The following ROPN1 variants were observed in gnomAD, a reference collection of about 807,000 sequenced individuals.
ROPN1 encodes rhophilin associated tail protein 1.
In ROPN1, 14 loss-of-function variants were observed where a neutral mutation model predicts 20.5. The observed-to-expected ratio is 0.68, with a 90% CI of 0.45 to 1.07. The LOEUF (loss-of-function observed/expected upper bound fraction) is 1.07, where lower values mean the gene tolerates loss of function less well. ROPN1 is among the 50% of genes least tolerant of loss of function. The probability of loss-of-function intolerance (pLI) is 0.00; values close to 1 mark genes in which losing one functional copy is unlikely to be tolerated. For synonymous variants in ROPN1, 76 were observed against 95.7 expected, an observed-to-expected ratio of 0.79 and a Z score of 1.20; for missense variants, 169 against 242.8, an observed-to-expected ratio of 0.70 and a Z score of 2.02.
intron 1 of ROPN1, among the ~76,000 whole-genome samples, chr3:123,988,217 C>T (rs1284105021): frequency 6.6e-6 from 1 of 151,874 alleles, no homozygotes; most frequent in Admixed American, 6.6e-5. Flanking sequence ...ATGAGCTTGG[C>T]TCACTGCAAC....
chr3:123,971,122 C>A (rs1355302728), intron 4 of ROPN1, among the ~76,000 whole-genome samples: 1 of 152,142 alleles, frequency 6.6e-6, no homozygotes. Context: ...AGTGAAAAAG[C>A]AGCTGCTGTA....
At chr3:123,980,677 T>C in intron 1 of ROPN1, 184 bp from the exon 2 acceptor site, 1 of 528,410 alleles carries the variant, frequency 1.9e-6, no homozygotes. Flanking sequence ...CTACTTTTTG[T>C]TGGAAATAGT....
chr3:123,990,110 A>G (rs968018160), intron 1 of ROPN1, among the ~76,000 whole-genome samples: 1 of 152,162 alleles, frequency 6.6e-6, no homozygotes, highest in Non-Finnish European at 1.5e-5. Context: ...TGAGCTGAAG[A>G]GAGGATGGTG....
chr3:123,979,806 T>G (rs1365709270), intron 2 of ROPN1: 1 of 349,034 alleles, frequency 2.9e-6, no homozygotes, highest in African/African-American at 2.2e-5. Context: ...AACAATAATT[T>G]CCTCCAAGAC....
intron 3 of ROPN1, 116 bp downstream of exon 3, chr3:123,976,748 T>G (rs2038031850): frequency 1.1e-6 from 1 of 929,552 alleles, no homozygotes; most frequent in African/African-American, 1.6e-5. Flanking sequence ...TAGTGTATTT[T>G]AGGGTGGTGC....
At position 123,970,117 on chromosome 3, in the gene ROPN1, G is replaced by A. The variant is rs769772715; in HGVS notation, c.497C>T (p.Thr166Met). Reference sequence around the variant, plus strand: ...CTCCCCATCCACTTTGGCAATATACGTGTAGAGAAACTGGAAGGTGCTGAA... The same window carrying A: ...CTCCCCATCCACTTTGGCAATATACATGTAGAGAAACTGGAAGGTGCTGAA... ...IPFSTFQFLY[T>M]YIAKVDGEIS... is the part of the protein sequence containing the mutation. Residue 166 changes from threonine to methionine, a missense_variant, in exon 5 of 6, where the codon ACG becomes ATG. Around this residue, in one of 3 missense-constraint regions of ROPN1, gnomAD observed 82 missense variants for 100.1 expected, o/e 0.82. Coordinates refer to ENST00000405845, the MANE Select transcript of ROPN1 (RefSeq NM_001317774.2). The A allele has an allele frequency of 1.5e-5, 24 of 1,613,990 alleles. No homozygotes were observed. The highest frequency in any genetic ancestry group is 1.1e-4 in the South Asian group (10 of 91,086).
chr3:123,969,602 G>A (rs529779046), intron 5 of ROPN1, among the ~76,000 whole-genome samples: 9 of 152,260 alleles, frequency 5.9e-5, no homozygotes, highest in Admixed American at 2.0e-4. Flanking sequence ...CGCCATGACC[G>A]GCCCTCTTTT....
At chr3:123,978,319 T>G (rs2038067525) in intron 2 of ROPN1, among the ~76,000 whole-genome samples, 2 of 152,166 alleles carry the variant, frequency 1.3e-5, no homozygotes, top group African/African-American at 4.8e-5. Context: ...GGCCTCAGGC[T>G]TTATAAACCA....
chr3:123,977,087 A>T, intron 2 of ROPN1, 106 bp from the exon 3 acceptor site: 2 of 1,219,982 alleles, frequency 1.6e-6, no homozygotes, highest in Middle Eastern at 4.7e-4. Flanking sequence ...TAGAGAAAGG[A>T]ACCTTTGTTA....
chr3:123,973,613 G>A (rs1337049212), intron 4 of ROPN1, among the ~76,000 whole-genome samples: 2 of 152,214 alleles, frequency 1.3e-5, no homozygotes, highest in Non-Finnish European at 2.9e-5. Context: ...TAAGCAGAGG[G>A]AGGGTTGGAA....
rs2037884599 is a variant in ROPN1 at position 123,970,083 on chromosome 3, T to C, written c.531A>G (p.Ala177=). The C allele has an allele frequency of 6.2e-7, 1 of 1,614,176 alleles. No individual in the cohort carries two copies. Among genetic ancestry groups the C allele is most frequent in the South Asian group, 1.1e-5 (1 of 91,072 alleles). Residue 177 remains alanine (A), a synonymous_variant, in exon 5 of 6, where the codon GCA becomes GCG. Coordinates refer to ENST00000405845, the MANE Select transcript of ROPN1 (RefSeq NM_001317774.2). ...YIAKVDGEIS[A]SHVSRMLNYM... is the part of the protein sequence containing the mutation. ...AGTTTAGCATCCTGCTGACATGTGA[T>C]GCAGAGATCTCCCCATCCACTTTGG... is the stretch of plus-strand genomic sequence containing the variant.
chr3:123,980,823 T>A (rs1314050347), intron 1 of ROPN1: 8 of 211,992 alleles, frequency 3.8e-5, no homozygotes, highest in Admixed American at 1.1e-4. Context: ...TATATATGTT[T>A]GTAAAATAAA....
chr3:123,981,030 A>G (rs1334207809), intron 1 of ROPN1, among the ~76,000 whole-genome samples: 1 of 152,166 alleles, frequency 6.6e-6, no homozygotes, highest in African/African-American at 2.4e-5. Context: ...TTACAGCTGC[A>G]TGTTCTTTTC....
chr3:123,988,398 C>G (rs956438559), intron 1 of ROPN1, among the ~76,000 whole-genome samples: 2 of 152,096 alleles, frequency 1.3e-5, no homozygotes, highest in Admixed American at 1.3e-4. Flanking sequence ...GTTGTCCTTC[C>G]TACTTCTGAT....
Position 123,978,233 on chromosome 3 carries a change from A to T in ROPN1, c.117-1252T>A, listed in dbSNP as rs371516149. Among the ~76,000 whole-genome samples, 165 of 149,102 alleles carry T rather than the reference A, an allele frequency of 1.1e-3. 1 individual carries two copies. Among genetic ancestry groups the T allele is most frequent in the East Asian group, 3.1e-3 (15 of 4,856 alleles). The stretch of plus-strand genomic sequence containing the variant: ...AGGAAGGGCACCTTTAACAATGTGC[A>T]TGAGAAATCTCTGCACACAGATCAG... On this transcript the variant is annotated intron_variant, in intron 2 of 5. Coordinates refer to ENST00000405845, the MANE Select transcript of ROPN1 (RefSeq NM_001317774.2).
intron 1 of ROPN1, 173 bp from the exon 2 acceptor site, chr3:123,980,666 C>G (rs2148996688): frequency 1.9e-6 from 1 of 520,376 alleles, no homozygotes; most frequent in Admixed American, 3.2e-5. Flanking sequence ...TCTGCTAACC[C>G]CTACTTTTTG....
chr3:123,974,473 G>T (rs1394437321), intron 4 of ROPN1: 1 of 152,120 alleles, frequency 6.6e-6, no homozygotes, highest in Non-Finnish European at 1.5e-5. Context: ...GAATCTATAG[G>T]AAATTTGGAC....
intron 5 of ROPN1, among the ~76,000 whole-genome samples, chr3:123,969,801 C>T (rs1381889986): frequency 1.3e-5 from 2 of 152,200 alleles, no homozygotes; most frequent in Admixed American, 6.5e-5. Flanking sequence ...CTAACATCTT[C>T]TTAGGTGCTG....
At chr3:123,978,189 C>T (rs988366158) in intron 2 of ROPN1, among the ~76,000 whole-genome samples, 4 of 152,180 alleles carry the variant, frequency 2.6e-5, no homozygotes, top group Non-Finnish European at 5.9e-5. Context: ...TTGCCAGTCA[C>T]CCCTTGGAGG....
Sources: gnomAD v4.1 joint callset for allele counts (sites outside exome capture counted in the v4.1 genomes callset) on GRCh38, gnomAD v4.1.1 for gene constraint, gnomAD v4.1.1 regional missense constraint, MANE v1.5 for transcripts, NCBI Gene and HGNC (gene_info 2026-07-23, HGNC 2026-07-21) for gene names.